The following LUZP2 variants were observed in gnomAD, a reference collection of about 807,000 sequenced individuals.
The protein encoded by LUZP2 is leucine zipper protein 2.
LUZP2 carries 52 observed loss-of-function variants against 51.6 expected under a neutral mutation model. The observed-to-expected ratio is 1.01, with a 90% CI of 0.81 to 1.27. LUZP2 has a LOEUF of 1.27. Ranked by LOEUF, LUZP2 falls within the 50% of genes most tolerant of loss-of-function variation. The pLI is 0.00. For missense variants in LUZP2, 436 were observed against 395.4 expected (o/e 1.10, Z -0.87); for synonymous variants, 154 against 137.3 (o/e 1.12, Z -0.85).
chr11:25,019,126 G>A (rs112618817), intron 9 of LUZP2, among the ~76,000 whole-genome samples: 45 of 152,190 alleles, frequency 3.0e-4, no homozygotes, highest in African/African-American at 5.3e-4. Flanking sequence ...TTACATTAGC[G>A]TTTGCTCTTG....
chr11:24,578,942 A>T (rs1157804223), intron 1 of LUZP2, among the ~76,000 whole-genome samples: 3 of 152,148 alleles, frequency 2.0e-5, no homozygotes, highest in Non-Finnish European at 2.9e-5. Context: ...GACATTATTT[A>T]AAAAAGAAAG....
At chr11:24,926,533 G>A (rs1468865680) in intron 7 of LUZP2, among the ~76,000 whole-genome samples, 3 of 144,802 alleles carry the variant, frequency 2.1e-5, no homozygotes, top group East Asian at 2.0e-4. Context: ...ATATGTGTGT[G>A]TATATATATA....
intron 9 of LUZP2, among the ~76,000 whole-genome samples, chr11:25,038,406 T>A (rs1297080371): frequency 6.6e-6 from 1 of 152,146 alleles, no homozygotes; most frequent in Non-Finnish European, 1.5e-5. Flanking sequence ...AACTATGAAA[T>A]CAAGTCTACA....
intron 7 of LUZP2, among the ~76,000 whole-genome samples, 160 bp from the exon 8 acceptor site, chr11:24,976,431 T>C (rs1415696379): frequency 6.6e-6 from 1 of 151,492 alleles, no homozygotes; most frequent in Non-Finnish European, 1.5e-5. Flanking sequence ...TCATGATATA[T>C]AGTATTTTTA....
rs1854135686 is a variant in LUZP2, at chr11:24,611,864, T to C, written c.62+114559T>C. On this transcript the variant is annotated intron_variant, in intron 1 of 11. Transcript: ENST00000336930. The surrounding 1 kb of genome is among the most constrained non-coding windows in gnomAD (Gnocchi z 4.6). Reference sequence around the variant, plus strand: ...GGAGCATGACATATCTAGGAACTGGTTGGAATATTAAAATAATCACAGGAG... The same window carrying C: ...GGAGCATGACATATCTAGGAACTGGCTGGAATATTAAAATAATCACAGGAG... Among the ~76,000 whole-genome samples the C allele has an allele frequency of 6.6e-6, 1 of 152,182 alleles. No homozygotes were observed. Among genetic ancestry groups the C allele is most frequent in the Non-Finnish European group, 1.5e-5 (1 of 68,032 alleles).
chr11:24,756,101 G>A (rs1159508977), intron 4 of LUZP2, among the ~76,000 whole-genome samples: 3 of 151,974 alleles, frequency 2.0e-5, no homozygotes, highest in African/African-American at 7.3e-5. Context: ...TCTTTCTGCT[G>A]GCTTCAACTG....
chr11:24,847,608 T>C (rs1468086433), intron 5 of LUZP2, among the ~76,000 whole-genome samples: 2 of 152,158 alleles, frequency 1.3e-5, no homozygotes, highest in East Asian at 3.9e-4. Flanking sequence ...CCTTCTCCAT[T>C]AAAAACTTAC....
intron 1 of LUZP2, among the ~76,000 whole-genome samples, chr11:24,689,823 G>GCTTTCCATT (rs1186319311): frequency 2.5e-4 from 38 of 151,972 alleles, no homozygotes; most frequent in Admixed American, 1.2e-3. Flanking sequence ...TTTTCATAAC[G>GCTTTCCATT]CTTTCCATTG....
At chr11:25,011,869 A>G in intron 9 of LUZP2, among the ~76,000 whole-genome samples, 1 of 151,806 alleles carries the variant, frequency 6.6e-6, no homozygotes, top group Non-Finnish European at 1.5e-5. Flanking sequence ...TAGAGAGAGA[A>G]TATATATGTT....
At chr11:24,507,956 A>G (rs1356372560) in intron 1 of LUZP2, among the ~76,000 whole-genome samples, 2 of 151,544 alleles carry the variant, frequency 1.3e-5, no homozygotes, top group East Asian at 3.9e-4. Context: ...CCTAGAGTGA[A>G]AAAAGAAACT....
chr11:24,999,503 G>C (rs552190395), intron 9 of LUZP2, among the ~76,000 whole-genome samples: 24 of 151,636 alleles, frequency 1.6e-4, no homozygotes, highest in Non-Finnish European at 3.1e-4. Context: ...AAGAGAAGGA[G>C]AAGAAGAGGA....
At chr11:24,511,971 A>G (rs745912901) in intron 1 of LUZP2, among the ~76,000 whole-genome samples, 50 of 151,966 alleles carry the variant, frequency 3.3e-4, no homozygotes, top group Admixed American at 1.5e-3. Flanking sequence ...ATTATCAGAG[A>G]CTAGCATTTT....
At chr11:24,513,181 G>A (rs1462766312) in intron 1 of LUZP2, among the ~76,000 whole-genome samples, 3 of 152,120 alleles carry the variant, frequency 2.0e-5, no homozygotes, top group Non-Finnish European at 4.4e-5. Flanking sequence ...ATGGAAACAA[G>A]CTAATATCAC....
intron 1 of LUZP2, among the ~76,000 whole-genome samples, chr11:24,648,160 TA>T (rs1309084077): frequency 1.3e-5 from 2 of 152,000 alleles, no homozygotes; most frequent in Non-Finnish European, 2.9e-5. Flanking sequence ...TCGATATTCC[TA>T]AAGCTTGTCT....
chr11:24,809,968 C>A (rs1034461349), intron 5 of LUZP2, among the ~76,000 whole-genome samples: 2 of 152,068 alleles, frequency 1.3e-5, no homozygotes, highest in African/African-American at 4.8e-5. Flanking sequence ...CATAATGCTG[C>A]AAAAGCATAG....
At chr11:24,953,684 C>T (rs1855138152) in intron 7 of LUZP2, among the ~76,000 whole-genome samples, 1 of 151,904 alleles carries the variant, frequency 6.6e-6, no homozygotes, top group African/African-American at 2.4e-5. Context: ...AAAAAAAGTG[C>T]TTTGGAAGAA....
At chr11:25,038,271 AT>A (rs1388705286) in intron 9 of LUZP2, among the ~76,000 whole-genome samples, 2 of 152,098 alleles carry the variant, frequency 1.3e-5, no homozygotes, top group African/African-American at 4.8e-5. Context: ...GAGCTTTGAG[AT>A]TCTTTCCTCA....
intron 5 of LUZP2, among the ~76,000 whole-genome samples, chr11:24,902,999 G>A (rs1269177434): frequency 6.6e-6 from 1 of 152,106 alleles, no homozygotes; most frequent in Non-Finnish European, 1.5e-5. Flanking sequence ...TAAATACGCT[G>A]TTTATTAATT....
chr11:24,561,366 A>C (rs1852033886), intron 1 of LUZP2, among the ~76,000 whole-genome samples: 1 of 151,996 alleles, frequency 6.6e-6, no homozygotes, highest in African/African-American at 2.4e-5. Context: ...TATTTTATTA[A>C]TTATTTTATA....
Sources: gnomAD v4.1 joint callset for allele counts (sites outside exome capture counted in the v4.1 genomes callset) on GRCh38, gnomAD v4.1.1 for gene constraint, Gnocchi (gnomAD v3.1) non-coding constraint, MANE v1.5 for transcripts, NCBI Gene and HGNC (gene_info 2026-07-23, HGNC 2026-07-21) for gene names.